Variants in NUP93 observed in about 807,000 individuals in gnomAD.
NUP93 encodes the protein nuclear pore complex protein Nup93.
In NUP93, 55 loss-of-function variants were observed where a neutral mutation model predicts 107.8. That is an observed-to-expected ratio of 0.51 (90% confidence interval 0.41 to 0.64). The LOEUF (loss-of-function observed/expected upper bound fraction) is 0.64. Among genes scored for constraint, NUP93 ranks in the 30% least tolerant of loss-of-function variants. NUP93 has a pLI of 0.00. For synonymous variants in NUP93, 390 were observed against 397.5 expected (o/e 0.98, Z 0.22); for missense variants, 937 against 1,044.7 (o/e 0.90, Z 1.42).
At chr16:56,783,173 C>T (rs1348184078) in intron 3 of NUP93, among the ~76,000 whole-genome samples, 1 of 152,106 alleles carries the variant, frequency 6.6e-6, no homozygotes, top group Non-Finnish European at 1.5e-5. Flanking sequence ...GGCTTTTTAT[C>T]CTAAGGAATG....
At chr16:56,815,735 C>G (rs1963406778) in intron 5 of NUP93, among the ~76,000 whole-genome samples, 1 of 152,132 alleles carries the variant, frequency 6.6e-6, no homozygotes, top group Non-Finnish European at 1.5e-5. Flanking sequence ...AATCTTCATC[C>G]CAATCCTATG....
At chr16:56,735,126 CT>C (rs1442977537) in intron 1 of NUP93, among the ~76,000 whole-genome samples, 1 of 152,150 alleles carries the variant, frequency 6.6e-6, no homozygotes, top group African/African-American at 2.4e-5. Flanking sequence ...ATGAGGGAAA[CT>C]TTCTGTAGGT....
chr16:56,834,954 C>A (rs1295740817), intron 16 of NUP93, among the ~76,000 whole-genome samples, 176 bp downstream of exon 16: 3 of 152,180 alleles, frequency 2.0e-5, no homozygotes, highest in Non-Finnish European at 2.9e-5. Flanking sequence ...TGGTTTTACA[C>A]ACACTTATAT....
At chr16:56,799,690 A>G (rs1962979605) in intron 4 of NUP93, among the ~76,000 whole-genome samples, 1 of 152,110 alleles carries the variant, frequency 6.6e-6, no homozygotes, top group African/African-American at 2.4e-5. Flanking sequence ...ATCCAGTGAA[A>G]TTTATTTATT....
At chr16:56,817,044 G>A (rs543682943) in intron 5 of NUP93, among the ~76,000 whole-genome samples, 1 of 152,300 alleles carries the variant, frequency 6.6e-6, no homozygotes, top group Admixed American at 6.5e-5. Flanking sequence ...GTGTAAAGAT[G>A]TGAGAAGTAG....
chr16:56,750,814 G>A (rs1961905053), intron 2 of NUP93, among the ~76,000 whole-genome samples: 1 of 152,034 alleles, frequency 6.6e-6, no homozygotes, highest in East Asian at 1.9e-4. Flanking sequence ...GCTGACTCCT[G>A]GTATAAATAA....
chr16:56,792,772 T>C lies in NUP93; in HGVS notation c.298-5704T>C, dbSNP rs557371232. Among the ~76,000 whole-genome samples, 3 of 152,346 alleles carry C rather than the reference T, an allele frequency of 2.0e-5. No homozygotes were observed. The East Asian group carries it at 5.8e-4, about 29-fold the overall frequency. ...TTGTTTGTAAAGAGTAGCCTGATGATGAAAACAAATTTAAGGAAATTTTAC... is the reference window on the plus strand; with the variant it reads ...TTGTTTGTAAAGAGTAGCCTGATGACGAAAACAAATTTAAGGAAATTTTAC... On this transcript the variant is annotated intron_variant, in intron 3 of 21. Coordinates refer to ENST00000308159, the MANE Select transcript of NUP93 (RefSeq NM_014669.5).
At chr16:56,826,709 T>C (rs1286614652) in intron 8 of NUP93, among the ~76,000 whole-genome samples, 2 of 152,096 alleles carry the variant, frequency 1.3e-5, no homozygotes, top group Non-Finnish European at 2.9e-5. Flanking sequence ...TATTTCTTTT[T>C]TCCCCCCGTT....
chr16:56,836,983 A>G (rs1262779224), intron 17 of NUP93, among the ~76,000 whole-genome samples: 5 of 152,254 alleles, frequency 3.3e-5, no homozygotes, highest in African/African-American at 7.2e-5. Context: ...CAGCAGAATT[A>G]GCATCCATCA....
At chr16:56,802,893 T>C (rs948775350) in intron 4 of NUP93, among the ~76,000 whole-genome samples, 4 of 152,208 alleles carry the variant, frequency 2.6e-5, no homozygotes, top group Non-Finnish European at 4.4e-5. Flanking sequence ...AGGCTGAGAA[T>C]GGTCATAATT....
chr16:56,819,989 CT>C (rs1156362205), intron 6 of NUP93, among the ~76,000 whole-genome samples: 2 of 152,156 alleles, frequency 1.3e-5, no homozygotes, highest in Non-Finnish European at 2.9e-5. Context: ...TTTACTCCCC[CT>C]GTGCATCTGT....
intron 3 of NUP93, among the ~76,000 whole-genome samples, chr16:56,773,496 T>C (rs757604061): frequency 1.2e-4 from 19 of 152,238 alleles, no homozygotes; most frequent in Non-Finnish European, 2.5e-4. Context: ...AGGTTGGGTT[T>C]AATTTCCTCC....
Position 56,796,970 on chromosome 16 carries a change from C to CA in NUP93, c.298-1496dup, listed in dbSNP as rs1423853181. On this transcript the variant is annotated intron_variant, in intron 3 of 21. Transcript: ENST00000308159. ...CTGGCAACAGAGCGAGACTCCATCT[C>CA]AAAAAAAAAAGCAAAAACACGAGGC... 1.1e-3 allele frequency among the ~76,000 whole-genome samples: 156 copies of CA among 140,872 alleles called. 1 individual carries two copies. The South Asian group carries it at 0.018, about 16-fold the overall frequency. 92.4% of individuals were successfully genotyped at this position (140,872 alleles called of 152,430 possible).
chr16:56,764,639 A>G (rs931411712), intron 3 of NUP93, among the ~76,000 whole-genome samples: 2 of 152,218 alleles, frequency 1.3e-5, no homozygotes, highest in African/African-American at 4.8e-5. Flanking sequence ...TTGCTCACTA[A>G]TTGGATGTTT....
At chr16:56,838,577 T>C (rs1276372854) in intron 18 of NUP93, among the ~76,000 whole-genome samples, 1 of 152,196 alleles carries the variant, frequency 6.6e-6, no homozygotes, top group African/African-American at 2.4e-5. Context: ...TTTTTGTATG[T>C]TAAGACAGGG....
chr16:56,803,962 G>A (rs181020286), intron 4 of NUP93, among the ~76,000 whole-genome samples: 1 of 152,200 alleles, frequency 6.6e-6, no homozygotes, highest in African/African-American at 2.4e-5. Context: ...ATGTTGACCA[G>A]GGTGGTCTTG....
intron 1 of NUP93, among the ~76,000 whole-genome samples, chr16:56,731,839 G>C (rs1961540400): frequency 6.6e-6 from 1 of 151,968 alleles, no homozygotes; most frequent in South Asian, 2.1e-4. Context: ...TTGCACAGCA[G>C]CTAGAGGGAT....
chr16:56,827,113 ACT>A (rs1596848067), intron 8 of NUP93, among the ~76,000 whole-genome samples: 1 of 145,662 alleles, frequency 6.9e-6, no homozygotes. Context: ...AGGTTGTTTT[ACT>A]CTCTCTGTTG....
At chr16:56,830,454 G>C (rs1309319933) in intron 9 of NUP93, 74 bp from the exon 10 acceptor site, 1 of 1,399,844 alleles carries the variant, frequency 7.1e-7, no homozygotes, top group African/African-American at 1.4e-5. Flanking sequence ...GAGGGGCTTA[G>C]CTCGGTTTTA....
Sources: gnomAD v4.1 joint callset for allele counts (sites outside exome capture counted in the v4.1 genomes callset) on GRCh38, gnomAD v4.1.1 for gene constraint, MANE v1.5 for transcripts, NCBI Gene and HGNC (gene_info 2026-07-23, HGNC 2026-07-21) for gene names.